ESR2: variants seen among roughly 807,000 people sequenced by gnomAD.
ESR2 encodes estrogen receptor beta.
Under a neutral mutation model 49.6 loss-of-function variants are expected in ESR2, and 36 were observed. The ratio of observed to expected loss-of-function variants is 0.73; its 90% confidence interval spans 0.56 to 0.96. The LOEUF (loss-of-function observed/expected upper bound fraction) is 0.96. Among genes scored for constraint, ESR2 ranks in the 40% least tolerant of loss-of-function variants. The pLI, the probability that ESR2 is intolerant of heterozygous loss-of-function variation, is 0.00. For missense variants in ESR2, 714 were observed against 693.0 expected (o/e 1.03, Z -0.34); for synonymous variants, 320 against 266.1 (o/e 1.20, Z -1.97).
At chr14:64,305,386 C>T (rs1230305544) in intron 1 of ESR2, among the ~76,000 whole-genome samples, 3 of 150,094 alleles carry the variant, frequency 2.0e-5, no homozygotes, top group Non-Finnish European at 4.4e-5. Context: ...AATTATTATA[C>T]TAGGCCGGGC....
intron 8 of ESR2, 187 bp downstream of exon 8, chr14:64,234,783 T>G: frequency 1.2e-5 from 15 of 1,302,584 alleles, no homozygotes; most frequent in East Asian, 2.5e-5. Context: ...AGATACCACA[T>G]GACATTCCTT....
At chr14:64,337,888 A>T (rs2077551313) in intron 1 of ESR2, 1 of 152,232 alleles carries the variant, frequency 6.6e-6, no homozygotes, top group Non-Finnish European at 1.5e-5. Context: ...AAGTGACCTG[A>T]ACCACGCACC....
chr14:64,278,700 C>G (rs1324664888), intron 3 of ESR2, among the ~76,000 whole-genome samples: 1 of 152,072 alleles, frequency 6.6e-6, no homozygotes, highest in Non-Finnish European at 1.5e-5. Context: ...CAAATCAGGG[C>G]TGGTACGAGA....
chr14:64,314,955 A>G (rs1452959143), intron 1 of ESR2, among the ~76,000 whole-genome samples: 2 of 151,016 alleles, frequency 1.3e-5, no homozygotes, highest in African/African-American at 2.4e-5. Flanking sequence ...AGCACAAATG[A>G]GAGAAGACTG....
chr14:64,299,483 C>G (rs533685169), intron 1 of ESR2, among the ~76,000 whole-genome samples: 12 of 151,814 alleles, frequency 7.9e-5, no homozygotes, highest in African/African-American at 2.7e-4. Context: ...CCTCAGCCCC[C>G]CAAGTAGCTG....
At chr14:64,270,434 C>G (rs1263323961) in intron 3 of ESR2, among the ~76,000 whole-genome samples, 2 of 152,192 alleles carry the variant, frequency 1.3e-5, no homozygotes, top group Non-Finnish European at 2.9e-5. Context: ...GCTGGTTACA[C>G]AGGGATTTGC....
In ESR2 at chr14:64,228,519, A is replaced by C. The variant is rs1426564077; in HGVS notation, c.*4618T>G. On this transcript the variant is annotated 3_prime_UTR_variant, in exon 9 of 9. Transcript: ENST00000341099. ...AGCCTGCAAATGAAGTCAACAAATTAGTGTAATGATACAAAGCATTCGTCT... is the reference window on the plus strand; with the variant it reads ...AGCCTGCAAATGAAGTCAACAAATTCGTGTAATGATACAAAGCATTCGTCT... 6.6e-6 allele frequency among the ~76,000 whole-genome samples: 1 copy of C among 152,224 alleles called. No individual in the cohort carries two copies. Among genetic ancestry groups the C allele is most frequent in the East Asian group, 1.9e-4 (1 of 5,202 alleles).
chr14:64,291,231 A>G (rs2076865451), intron 1 of ESR2, among the ~76,000 whole-genome samples: 1 of 140,668 alleles, frequency 7.1e-6, no homozygotes, highest in Non-Finnish European at 1.7e-5. Context: ...ATTTACTAAC[A>G]AAATGCTGCA....
chr14:64,247,807 T>A (rs1439095381), intron 7 of ESR2, among the ~76,000 whole-genome samples: 1 of 152,102 alleles, frequency 6.6e-6, no homozygotes, highest in African/African-American at 2.4e-5. Context: ...AAATAACACA[T>A]CTCTATTTAT....
At chr14:64,270,563 C>T (rs973252859) in intron 3 of ESR2, among the ~76,000 whole-genome samples, 28 of 151,862 alleles carry the variant, frequency 1.8e-4, no homozygotes, top group African/African-American at 5.8e-4. Flanking sequence ...TAGGTTAGAG[C>T]GCAGTGGCAC....
intron 1 of ESR2, among the ~76,000 whole-genome samples, chr14:64,334,847 A>AGC (rs1417523257): frequency 2.0e-5 from 3 of 152,184 alleles, no homozygotes; most frequent in African/African-American, 7.2e-5. Context: ...GGGTTTCACC[A>AGC]TGTTGGCCAA....
chr14:64,318,425 T>C (rs1045987544), intron 1 of ESR2, among the ~76,000 whole-genome samples: 1 of 148,168 alleles, frequency 6.7e-6, no homozygotes, highest in Non-Finnish European at 1.5e-5. Context: ...TAATCCCAGC[T>C]ACTTGGGAGG....
chr14:64,229,269 C>T lies in ESR2; in HGVS notation c.*3868G>A, dbSNP rs968360998. 7.2e-5 allele frequency among the ~76,000 whole-genome samples: 11 copies of T among 152,118 alleles called. No homozygotes were observed. The highest frequency in any genetic ancestry group is 2.7e-4 in the African/African-American group (11 of 41,428). On this transcript the variant is annotated 3_prime_UTR_variant, in exon 9 of 9. Coordinates refer to ENST00000341099, the MANE Select transcript of ESR2 (RefSeq NM_001437.3). ...ACCGCCCCTCCATTCTGCTGCGACT[C>T]AGCTCACAAAGCAGATTCTCACAGA...
chr14:64,290,723 A>T (rs1446605283), intron 1 of ESR2, among the ~76,000 whole-genome samples: 1 of 152,182 alleles, frequency 6.6e-6, no homozygotes, highest in Non-Finnish European at 1.5e-5. Flanking sequence ...TATTCTTTCA[A>T]AACAAAATAT....
At chr14:64,319,021 C>A (rs537324368) in intron 1 of ESR2, among the ~76,000 whole-genome samples, 1 of 151,786 alleles carries the variant, frequency 6.6e-6, no homozygotes, top group African/African-American at 2.4e-5. Context: ...AGCCCTCCAG[C>A]CCTGGTGAAA....
chr14:64,308,364 T>C (rs578113252), intron 1 of ESR2, among the ~76,000 whole-genome samples: 10 of 152,190 alleles, frequency 6.6e-5, no homozygotes, highest in African/African-American at 9.7e-5. Context: ...TCTAGCACTA[T>C]TTTATTGTAT....
At chr14:64,253,560 T>TTC (rs1555574404) in intron 6 of ESR2, among the ~76,000 whole-genome samples, 15 of 136,642 alleles carry the variant, frequency 1.1e-4, no homozygotes, top group African/African-American at 3.1e-4. Flanking sequence ...GGTACACTAT[T>TTC]TGTGTGTGTG....
chr14:64,293,240 G>A (rs1435411537), intron 1 of ESR2, among the ~76,000 whole-genome samples: 2 of 152,120 alleles, frequency 1.3e-5, no homozygotes, highest in Non-Finnish European at 2.9e-5. Context: ...TTACAAACAT[G>A]TTTCCCCTCA....
intron 1 of ESR2, among the ~76,000 whole-genome samples, chr14:64,335,025 GT>G (rs1261175536): frequency 1.3e-5 from 2 of 152,170 alleles, no homozygotes; most frequent in Non-Finnish European, 2.9e-5. Context: ...ATAAATAATG[GT>G]TTTTCCTAAA....
Sources: gnomAD v4.1 joint callset for allele counts (sites outside exome capture counted in the v4.1 genomes callset) on GRCh38, gnomAD v4.1.1 for gene constraint, MANE v1.5 for transcripts, NCBI Gene and HGNC (gene_info 2026-07-23, HGNC 2026-07-21) for gene names.